Variants in OR1A1 observed in about 807,000 individuals in gnomAD.
OR1A1 encodes the protein olfactory receptor 1A1.
For missense variants in OR1A1, 391 were observed against 379.9 expected (o/e 1.03, Z -0.24); for synonymous variants, 145 against 147.8 (o/e 0.98, Z 0.13).
intron 2 of OR1A1, among the ~76,000 whole-genome samples, chr17:3,212,001 T>C (rs1021775108): frequency 7.1e-6 from 1 of 140,140 alleles, no homozygotes; most frequent in Non-Finnish European, 1.6e-5. Context: ...AAGAATAGTA[T>C]TGATTTTTGA....
rs1236417240 is a variant in OR1A1 at position 3,217,684 on chromosome 17, T to C, written c.*1134T>C. ...CAAAAACAAGAAATGGGGAAAGGATTCCCTATTTAATAAATGGTGTTGGGA... is the reference window on the plus strand; with the variant it reads ...CAAAAACAAGAAATGGGGAAAGGATCCCCTATTTAATAAATGGTGTTGGGA... On this transcript the variant is annotated 3_prime_UTR_variant, in exon 4 of 4. Transcript: ENST00000641732. 2.0e-5 allele frequency: 3 copies of C among 152,166 alleles called. No individual in the cohort carries two copies. The highest frequency in any genetic ancestry group is 7.2e-5 in the African/African-American group (3 of 41,442). 9.4% of individuals were successfully genotyped at this position (152,166 alleles called of 1,614,324 possible).
chr17:3,216,090 T>G lies in OR1A1; in HGVS notation c.470T>G (p.Leu157Arg). 4 of 1,614,092 alleles carry G rather than the reference T, an allele frequency of 2.5e-6. No individual in the cohort carries two copies. Among genetic ancestry groups the G allele is most frequent in the South Asian group, 2.2e-5 (2 of 91,074 alleles). ...GSWVIGNANA[L>R]PHTLLTASLS... ...TGGGTGATTGGAAATGCCAATGCCC[T>G]CCCCCACACTCTGCTCACAGCTAGT... The change falls in exon 4 of 4, where the codon CTC becomes CGC. Residue 157 changes from leucine to arginine, a missense_variant. Leu to Arg is a moderately radical substitution (Grantham distance 102). Coordinates refer to ENST00000641732, the MANE Select transcript of OR1A1 (RefSeq NM_014565.3).
chr17:3,216,151 C>G lies in OR1A1; in HGVS notation c.531C>G (p.Phe177Leu). The change falls in exon 4 of 4, where the codon TTC becomes TTG. Residue 177 changes from phenylalanine (F) to leucine (L), a missense_variant. Coordinates refer to ENST00000641732, the MANE Select transcript of OR1A1 (RefSeq NM_014565.3). ...SFCGNQEVAN[F>L]YCDITPLLKL... Reference sequence around the variant, plus strand: ...GTGGCAACCAGGAAGTGGCCAACTTCTACTGTGACATTACCCCCTTGCTGA... The same window carrying G: ...GTGGCAACCAGGAAGTGGCCAACTTGTACTGTGACATTACCCCCTTGCTGA... The G allele has an allele frequency of 6.2e-7, 1 of 1,614,222 alleles. No individual in the cohort carries two copies. The highest frequency in any genetic ancestry group is 1.1e-5 in the South Asian group (1 of 91,076).
intron 1 of OR1A1, 102 bp downstream of exon 1, chr17:3,208,102 T>C (rs2048420540): frequency 2.6e-5 from 4 of 152,058 alleles, no homozygotes; most frequent in Admixed American, 2.6e-4. Context: ...AACTCAAATC[T>C]TGGCCTGGCT....
Position 3,216,243 on chromosome 17 carries a change from T to A in OR1A1, c.623T>A (p.Val208Glu), listed in dbSNP as rs377178739. The A allele has an allele frequency of 6.2e-7, 1 of 1,614,188 alleles. No individual in the cohort carries two copies. Among genetic ancestry groups the A allele is most frequent in the Non-Finnish European group, 8.5e-7 (1 of 1,180,040 alleles). ...TACCTAGGGGTTGGCATTTTCTCTG[T>A]GCCATTACTATGCATCATTGTCTCC... ...MMYLGVGIFS[V>E]PLLCIIVSYI... Residue 208 changes from valine (V) to glutamate (E), a missense_variant, in exon 4 of 4, where the codon GTG becomes GAG. Transcript: ENST00000641732.
intron 2 of OR1A1, among the ~76,000 whole-genome samples, chr17:3,212,046 A>G (rs1047621989): frequency 2.6e-5 from 4 of 152,202 alleles, no homozygotes; most frequent in Non-Finnish European, 4.4e-5. Flanking sequence ...TGAAACATCA[A>G]TTCCCTTGGG....
rs1234730683 is a variant in OR1A1, at chr17:3,217,303, C to T, written c.*753C>T. ...GGACAAAAACAAATGGAAAAACATT[C>T]CATCCTCTTTTATACAAAGAATCAA... On this transcript the variant is annotated 3_prime_UTR_variant, in exon 4 of 4. Transcript: ENST00000641732. 1 of 152,140 alleles carries T rather than the reference C, an allele frequency of 6.6e-6. No individual in the cohort carries two copies. The highest frequency in any genetic ancestry group is 2.4e-5 in the African/African-American group (1 of 41,422). The allele number at this position is 152,140 out of a possible 1,614,324, so 9.4% of individuals were successfully genotyped here. A position where few individuals can be genotyped will look rare whatever the true frequency, so the allele number is the denominator to read the frequency against.
At chr17:3,213,665 A>G (rs748663544) in intron 3 of OR1A1, 1 of 152,100 alleles carries the variant, frequency 6.6e-6, no homozygotes, top group Non-Finnish European at 1.5e-5. Flanking sequence ...AGTACTGGGG[A>G]TACAGGTTCA....
At position 3,217,781 on chromosome 17, in the gene OR1A1, G is replaced by A. The variant is rs1363376609; in HGVS notation, c.*1231G>A. ...ACATCTTATACAAAAATTAACTCAA[G>A]ATGGATTAAAGGCTTAAACGTAAGA... is the stretch of plus-strand genomic sequence containing the variant. On this transcript the variant is annotated 3_prime_UTR_variant, in exon 4 of 4. Coordinates refer to ENST00000641732, the MANE Select transcript of OR1A1 (RefSeq NM_014565.3). 2.0e-5 allele frequency: 3 copies of A among 152,152 alleles called. No homozygotes were observed. Among genetic ancestry groups the A allele is most frequent in the Non-Finnish European group, 4.4e-5 (3 of 68,016 alleles). The allele number at this position is 152,152 out of a possible 1,614,324, so 9.4% of individuals were successfully genotyped here. A position where few individuals can be genotyped will look rare whatever the true frequency, so the allele number is the denominator to read the frequency against.
At position 3,216,017 on chromosome 17, in the gene OR1A1, A is replaced by T. The variant is rs779858053; in HGVS notation, c.397A>T (p.Thr133Ser). The change falls in exon 4 of 4, where the codon ACA becomes TCA. Residue 133 changes from threonine (T) to serine (S), a missense_variant. Transcript: ENST00000641732. ...AVAISRPLHY[T>S]TIMSPRSCIW... ...GGCCATCAGCCGCCCACTTCACTAC[A>T]CAACAATTATGAGTCCACGGTCTTG... The T allele has an allele frequency of 1.2e-6, 2 of 1,614,062 alleles. No homozygotes were observed.
chr17:3,215,505 C>G, intron 3 of OR1A1, 111 bp from the exon 4 acceptor site: 1 of 730,542 alleles, frequency 1.4e-6, no homozygotes, highest in Non-Finnish European at 2.2e-6. Context: ...TTAATAAACT[C>G]AGGTGTATAC....
chr17:3,215,793 C>G lies in OR1A1; in HGVS notation c.173C>G (p.Pro58Arg). The change falls in exon 4 of 4, where the codon CCC becomes CGC. Residue 58 changes from proline to arginine, a missense_variant. Pro to Arg is a moderately radical substitution (Grantham distance 103). Transcript: ENST00000641732. ...TGCTCTGATGTTCGCCTTCACAACC[C>G]CATGTATTTTCTCCTTGCCAACCTC... ...AICSDVRLHN[P>R]MYFLLANLSL... 6.2e-7 allele frequency: 1 copy of G among 1,614,086 alleles called. No individual in the cohort carries two copies. The highest frequency in any genetic ancestry group is 1.1e-5 in the South Asian group (1 of 91,064).
rs1010753073 is a variant in OR1A1, at chr17:3,216,430, A to G, written c.810A>G (p.Ala270=). ...RPLTNYSLKD[A]VITVMYTAVT... ...TGACCAATTATAGCCTAAAAGACGC[A>G]GTGATCACTGTAATGTACACGGCAG... Residue 270 remains alanine, a synonymous_variant, in exon 4 of 4, where the codon GCA becomes GCG. Coordinates refer to ENST00000641732, the MANE Select transcript of OR1A1 (RefSeq NM_014565.3). 1.2e-6 allele frequency: 2 copies of G among 1,614,158 alleles called. No individual in the cohort carries two copies. Among genetic ancestry groups the G allele is most frequent in the Non-Finnish European group, 1.7e-6 (2 of 1,180,004 alleles).
intron 3 of OR1A1, chr17:3,213,847 G>A (rs931623449): frequency 6.6e-6 from 1 of 152,226 alleles, no homozygotes; most frequent in Non-Finnish European, 1.5e-5. Context: ...TAGTCTAATT[G>A]AACGTCCAAG....
chr17:3,216,168 C>A lies in OR1A1; in HGVS notation c.548C>A (p.Pro183His), dbSNP rs544502398. ...EVANFYCDIT[P>H]LLKLSCSDIH... ...GCCAACTTCTACTGTGACATTACCC[C>A]CTTGCTGAAGTTATCCTGTTCTGAC... Residue 183 changes from proline to histidine, a missense_variant, in exon 4 of 4, where the codon CCC becomes CAC. Transcript: ENST00000641732. The A allele has an allele frequency of 1.9e-6, 3 of 1,614,182 alleles. No homozygotes were observed. The highest frequency in any genetic ancestry group is 2.5e-6 in the Non-Finnish European group (3 of 1,180,036).
intron 3 of OR1A1, chr17:3,213,280 G>C (rs35865038): frequency 0.62 from 94,658 of 152,044 alleles, 30,320 homozygotes; most frequent in African/African-American, 0.71. Flanking sequence ...GTAATTTATT[G>C]GGCTGCTTTT....
chr17:3,213,370 T>C (rs1167988051), intron 3 of OR1A1: 1 of 152,248 alleles, frequency 6.6e-6, no homozygotes, highest in African/African-American at 2.4e-5. Context: ...CCTGTATCAA[T>C]GAGAAATGAT....
chr17:3,215,601 C>T lies in OR1A1; in HGVS notation c.-5-15C>T, dbSNP rs2150597155. On this transcript the variant is annotated splice_polypyrimidine_tract_variant and intron_variant, in intron 3 of 3. Transcript: ENST00000641732. ...TGCTAATATAATGATATTCCTCTCC[C>T]CTTTCATGTTAAAGAAGCCATGAGG... 15 of 1,560,978 alleles carry T rather than the reference C, an allele frequency of 9.6e-6. No homozygotes were observed. The highest frequency in any genetic ancestry group is 1.2e-5 in the Non-Finnish European group (14 of 1,134,370).
rs376094590 is a variant in OR1A1 at position 3,217,367 on chromosome 17, G to C, written c.*817G>C. On this transcript the variant is annotated 3_prime_UTR_variant, in exon 4 of 4. Coordinates refer to ENST00000641732, the MANE Select transcript of OR1A1 (RefSeq NM_014565.3). ...GCCATACTGCCCAAAGTAATTTATA[G>C]ATTCAATGCTATTCCCATCAAACTA... 4 of 152,284 alleles carry C rather than the reference G, an allele frequency of 2.6e-5. No individual in the cohort carries two copies. The highest frequency in any genetic ancestry group is 4.4e-5 in the Non-Finnish European group (3 of 68,024). The allele number at this position is 152,284 out of a possible 1,614,324, so 9.4% of individuals were successfully genotyped here. A position where few individuals can be genotyped will look rare whatever the true frequency, so the allele number is the denominator to read the frequency against.
Sources: allele counts gnomAD v4.1 joint callset (sites outside exome capture counted in the v4.1 genomes callset), GRCh38; gene constraint gnomAD v4.1.1; transcripts MANE v1.5; gene names NCBI Gene and HGNC (gene_info 2026-07-23, HGNC 2026-07-21).